Variants in UBN2 observed in about 807,000 individuals in gnomAD.
The protein encoded by UBN2 is ubinuclein 2.
A neutral mutation model predicts 120.2 loss-of-function variants in UBN2; 35 were observed. The observed-to-expected ratio is 0.29, with a 90% CI of 0.22 to 0.39. The LOEUF (loss-of-function observed/expected upper bound fraction) is 0.39, where lower values mean the gene tolerates loss of function less well. Among genes scored for constraint, UBN2 ranks in the 10% least tolerant of loss-of-function variants. The pLI is 1.00. For synonymous variants in UBN2, 661 were observed against 648.7 expected (o/e 1.02, Z -0.29); for missense variants, 1,693 against 1,663.2 (o/e 1.02, Z -0.31).
the UBN2 span, among the ~76,000 whole-genome samples, chr7:139,322,121 G>A: frequency 2.6e-5 from 4 of 151,892 alleles, no homozygotes; most frequent in Admixed American, 1.3e-4. Flanking sequence ...CTATAGACAC[G>A]TGCCACTACA....
chr7:139,283,416 A>G lies in UBN2; in HGVS notation c.2511A>G (p.Thr837=), dbSNP rs180895209. ...THSSSLIAGH[T]GPVPKKPQDL... Reference sequence around the variant, plus strand: ...CTTCAAGTCTTATTGCTGGTCACACAGGGCCAGTACCAAAGAAACCCCAGG... The same window carrying G: ...CTTCAAGTCTTATTGCTGGTCACACGGGGCCAGTACCAAAGAAACCCCAGG... Residue 837 remains threonine, a synonymous_variant, in exon 15 of 18, where the codon ACA becomes ACG. Transcript: ENST00000473989. 9.0e-5 allele frequency: 146 copies of G among 1,614,102 alleles called. No homozygotes were observed. Among genetic ancestry groups the G allele is most frequent in the Admixed American group, 4.2e-4 (25 of 60,010 alleles).
At chr7:139,318,801 G>A in the UBN2 span, among the ~76,000 whole-genome samples, 1 of 152,082 alleles carries the variant, frequency 6.6e-6, no homozygotes, top group Non-Finnish European at 1.5e-5. Context: ...TTAATTCTCA[G>A]CTTAGGATTT....
At chr7:139,324,555 CA>C in the UBN2 span, among the ~76,000 whole-genome samples, 190 of 68,896 alleles carry the variant, frequency 2.8e-3, no homozygotes, top group Middle Eastern at 0.01. Flanking sequence ...GACTCCATCT[CA>C]AAAAAAAAAA....
At chr7:139,258,874 G>A (rs1796844909) in intron 4 of UBN2, among the ~76,000 whole-genome samples, 1 of 152,010 alleles carries the variant, frequency 6.6e-6, no homozygotes, top group African/African-American at 2.4e-5. Flanking sequence ...CTGTTTCTGG[G>A]AGAAGGTTAT....
chr7:139,256,179 A>G (rs1210345513), intron 3 of UBN2, among the ~76,000 whole-genome samples: 1 of 152,194 alleles, frequency 6.6e-6, no homozygotes, highest in Non-Finnish European at 1.5e-5. Context: ...AGAATACTGC[A>G]TAAGAAAACA....
chr7:139,325,289 A>G, the UBN2 span, among the ~76,000 whole-genome samples: 2 of 116,854 alleles, frequency 1.7e-5, no homozygotes, highest in African/African-American at 6.9e-5. Context: ...TTTTTTTGAG[A>G]CAGAGTCTTG....
chr7:139,244,400 C>T (rs1011088645), intron 2 of UBN2, among the ~76,000 whole-genome samples: 1 of 152,094 alleles, frequency 6.6e-6, no homozygotes, highest in African/African-American at 2.4e-5. Context: ...AGTGTGGTGG[C>T]TCACACCTGT....
downstream of UBN2, among the ~76,000 whole-genome samples, chr7:139,310,309 A>T (rs1338380923): frequency 1.8e-5 from 2 of 110,574 alleles, no homozygotes; most frequent in Admixed American, 1.7e-4. Context: ...CTGTGTCTTT[A>T]AAAAAAAAAA....
rs539056900 is a variant in UBN2 at position 139,245,081 on chromosome 7, G to A, written c.562-6875G>A. Among the ~76,000 whole-genome samples the A allele has an allele frequency of 4.8e-5, 7 of 145,318 alleles. No individual in the cohort carries two copies. In the East Asian group the frequency reaches 1.4e-3, roughly 29 times the overall value. On this transcript the variant is annotated intron_variant, in intron 2 of 17. Coordinates refer to ENST00000473989, the MANE Select transcript of UBN2 (RefSeq NM_173569.4). ...CCCAAGTAGCTGGGACTACAGGCAC[G>A]CATCACCATGCCCAGCTTTTTTTTT...
intron 2 of UBN2, among the ~76,000 whole-genome samples, chr7:139,248,319 G>A (rs534729868): frequency 6.6e-6 from 1 of 152,162 alleles, no homozygotes; most frequent in Non-Finnish European, 1.5e-5. Flanking sequence ...AAATGTAAGA[G>A]TATTGCAAAG....
chr7:139,318,428 G>A, the UBN2 span, among the ~76,000 whole-genome samples: 1 of 152,126 alleles, frequency 6.6e-6, no homozygotes, highest in African/African-American at 2.4e-5. Flanking sequence ...ATTTCTCTGT[G>A]TGTTTAGTGA....
rs1403735849 is a variant in UBN2 at position 139,261,272 on chromosome 7, A to G, written c.926A>G (p.His309Arg). 2 of 1,608,860 alleles carry G rather than the reference A, an allele frequency of 1.2e-6. No individual in the cohort carries two copies. Among genetic ancestry groups the G allele is most frequent in the Non-Finnish European group, 1.7e-6 (2 of 1,178,244 alleles). The change falls in exon 6 of 18, where the codon CAC (histidine) becomes CGC (arginine). Residue 309 changes from histidine (H) to arginine (R), a missense_variant. Transcript: ENST00000473989. ...CACAGAGTTGTGGCTCTAAATTCAC[A>G]CAAGTCTGAAAAAAAGAAGAAACGT... The part of the protein sequence containing the change: ...KQLGVVALNS[H>R]KSEKKKKRYK...
intron 6 of UBN2, among the ~76,000 whole-genome samples, chr7:139,262,223 C>T (rs1796959780): frequency 6.6e-6 from 1 of 152,048 alleles, no homozygotes; most frequent in South Asian, 2.1e-4. Flanking sequence ...CCTCAGCCTC[C>T]CAAATATCTG....
chr7:139,231,821 G>T lies in UBN2; in HGVS notation c.337G>T (p.Ala113Ser). Residue 113 changes from alanine to serine, a missense_variant, in exon 1 of 18, where the codon GCT becomes TCT. Coordinates refer to ENST00000473989, the MANE Select transcript of UBN2 (RefSeq NM_173569.4). ...GCAGCCGCCCCCGCCGCGGGAGTCGGCTTCCCGGGCTGAGCAGCCGCCGCG... is the reference window on the plus strand; with the variant it reads ...GCAGCCGCCCCCGCCGCGGGAGTCGTCTTCCCGGGCTGAGCAGCCGCCGCG... ...PLQPPPPRESASRAEQPPRPP... is the reference protein window; with the variant it reads ...PLQPPPPRESSSRAEQPPRPP... 6.8e-7 allele frequency: 1 copy of T among 1,472,784 alleles called. No homozygotes were observed. 91.2% of individuals were successfully genotyped at this position (1,472,784 alleles called of 1,614,324 possible).
chr7:139,313,791 C>A, the UBN2 span, among the ~76,000 whole-genome samples: 2 of 151,556 alleles, frequency 1.3e-5, no homozygotes, highest in African/African-American at 4.9e-5. Context: ...TATATGCATG[C>A]GCTGAATTAG....
chr7:139,252,205 T>C, intron 3 of UBN2, 148 bp downstream of exon 3: 3 of 423,624 alleles, frequency 7.1e-6, no homozygotes, highest in Middle Eastern at 6.8e-4. Context: ...TCTTTACCCT[T>C]TTTTTTTTTT....
In UBN2 at chr7:139,299,989, TACAC is replaced by T. The variant is rs963509660; in HGVS notation, c.*2157_*2160del. On this transcript the variant is annotated 3_prime_UTR_variant, in exon 18 of 18. Coordinates refer to ENST00000473989, the MANE Select transcript of UBN2 (RefSeq NM_173569.4). ...ATGTTTGTCTGTATGTATATATACATACACACATACATTCATATAAATGACTAGT... is the reference window on the plus strand; with the variant it reads ...ATGTTTGTCTGTATGTATATATACATACATACATTCATATAAATGACTAGT... The T allele has an allele frequency of 3.3e-5, 5 of 152,162 alleles. No homozygotes were observed. Among genetic ancestry groups the T allele is most frequent in the Non-Finnish European group, 7.4e-5 (5 of 68,022 alleles). The allele number at this position is 152,162 out of a possible 1,614,324, so 9.4% of individuals were successfully genotyped here. A position where few individuals can be genotyped will look rare whatever the true frequency, so the allele number is the denominator to read the frequency against.
At chr7:139,247,234 G>C (rs1320250976) in intron 2 of UBN2, among the ~76,000 whole-genome samples, 2 of 151,962 alleles carry the variant, frequency 1.3e-5, no homozygotes, top group Admixed American at 6.6e-5. Flanking sequence ...TGATGAATCA[G>C]AGAACAATTG....
At chr7:139,294,583 G>C (rs530689973) in intron 17 of UBN2, among the ~76,000 whole-genome samples, 1 of 152,228 alleles carries the variant, frequency 6.6e-6, no homozygotes, top group Non-Finnish European at 1.5e-5. Flanking sequence ...GCTCACTCCT[G>C]TAATCCCAGC....
Sources: allele counts gnomAD v4.1 joint callset (sites outside exome capture counted in the v4.1 genomes callset), GRCh38; gene constraint gnomAD v4.1.1; transcripts MANE v1.5; gene names NCBI Gene and HGNC (gene_info 2026-07-23, HGNC 2026-07-21).